The following SHBG variants were observed in gnomAD, a reference collection of about 807,000 sequenced individuals.
SHBG encodes sex hormone-binding globulin.
Under a neutral mutation model 41.9 loss-of-function variants are expected in SHBG, and 37 were observed. That is an observed-to-expected ratio of 0.88 (90% CI 0.68 to 1.16). SHBG has a LOEUF of 1.16. Ranked by LOEUF, SHBG falls within the 50% of genes most tolerant of loss-of-function variation. SHBG has a pLI of 0.00. For missense variants in SHBG, 466 were observed against 499.9 expected (o/e 0.93, Z 0.65); for synonymous variants, 217 against 205.8 (o/e 1.05, Z -0.47).
upstream of SHBG, among the ~76,000 whole-genome samples, chr17:7,623,389 TCAAA>T (rs996738615): frequency 2.6e-5 from 4 of 152,208 alleles, no homozygotes; most frequent in African/African-American, 4.8e-5. Context: ...AAACTCCATC[TCAAA>T]CAAACAAACA....
upstream of SHBG, chr17:7,627,356 C>A: frequency 6.2e-7 from 1 of 1,614,108 alleles, no homozygotes; most frequent in Non-Finnish European, 8.5e-7. This position sits in a 1 kb window ranked among gnomAD's most constrained non-coding sequence, Gnocchi z 4.8. Flanking sequence ...GGGCGCTGAG[C>A]CCCCACCTTC....
upstream of SHBG, chr17:7,626,690 G>A: frequency 6.2e-7 from 1 of 1,612,430 alleles, no homozygotes; most frequent in Non-Finnish European, 8.5e-7. Context: ...TTCAACCCGG[G>A]TCCCCCCTCC....
upstream of SHBG, chr17:7,628,139 G>T: frequency 2.2e-6 from 1 of 459,442 alleles, no homozygotes; most frequent in Non-Finnish European, 4.4e-6. Context: ...TCACTCACCC[G>T]CCCAGACCCT....
At chr17:7,626,356 C>G (rs1288221192), upstream of SHBG, 1 of 1,454,554 alleles carries the variant, frequency 6.9e-7, no homozygotes, top group Non-Finnish European at 9.4e-7. Flanking sequence ...AGGGAGGCCT[C>G]AGCATCAGTG....
At chr17:7,617,824 C>T (rs763880686) in intron 1 of SHBG, among the ~76,000 whole-genome samples, 3 of 152,128 alleles carry the variant, frequency 2.0e-5, no homozygotes, top group Non-Finnish European at 2.9e-5. Flanking sequence ...TGGCTCATGC[C>T]TGTAATCCTG....
chr17:7,629,285 G>A (rs917341691), upstream of SHBG, among the ~76,000 whole-genome samples: 1 of 151,904 alleles, frequency 6.6e-6, no homozygotes, highest in Non-Finnish European at 1.5e-5. Context: ...GGCTGAGACA[G>A]GAGGATCGCT....
In SHBG at chr17:7,630,705, AC is replaced by A. The variant is rs1185061711; in HGVS notation, c.231del (p.Trp78GlyfsTer6). On this transcript the variant is annotated frameshift_variant, in exon 3 of 8. Coordinates refer to ENST00000380450, the MANE Select transcript of SHBG (RefSeq NM_001040.5). LOFTEE classifies it high-confidence loss of function. The surrounding 1 kb of genome is among the most constrained non-coding windows in gnomAD (Gnocchi z 4.6). ...AACCTCCTCCTCCTTTGAGGTTCGA[AC>A]CTGGGACCCAGAGGGAGTGATTTTT... is the stretch of plus-strand genomic sequence containing the variant. ...TKTSSSFEVR[T>X]WDPEGVIFYG... 4 of 1,613,972 alleles carry A rather than the reference AC, an allele frequency of 2.5e-6. No homozygotes were observed. Among genetic ancestry groups the A allele is most frequent in the Non-Finnish European group, 3.4e-6 (4 of 1,179,978 alleles).
upstream of SHBG, chr17:7,627,027 A>T (rs915723405): frequency 6.2e-7 from 1 of 1,613,970 alleles, no homozygotes; most frequent in African/African-American, 1.3e-5. The surrounding 1 kb of genome is among the most constrained non-coding windows in gnomAD (Gnocchi z 4.8). Flanking sequence ...TATATCCCAT[A>T]GCCCACCACG....
Position 7,621,257 on chromosome 17 carries a change from G to A in SHBG, c.-62+7146G>A, listed in dbSNP as rs1156807858. Among the ~76,000 whole-genome samples the A allele has an allele frequency of 2.1e-5, 3 of 142,238 alleles. 1 individual carries two copies. The highest frequency in any genetic ancestry group is 4.7e-5 in the Non-Finnish European group (3 of 64,326). 93.3% of individuals were successfully genotyped at this position (142,238 alleles called of 152,430 possible). On this transcript the variant is annotated intron_variant, in intron 1 of 5. Coordinates refer to the SHBG transcript ENST00000570547. ...GAGGATTGCTTGAGGCCAGGATTTCGAGACCAGCCTGGCCAACACGGAGAA... is the reference window on the plus strand; with the variant it reads ...GAGGATTGCTTGAGGCCAGGATTTCAAGACCAGCCTGGCCAACACGGAGAA...
At chr17:7,614,723 T>TCCG (rs1240216771) in intron 1 of SHBG, 1 of 267,366 alleles carries the variant, frequency 3.7e-6, no homozygotes, top group Non-Finnish European at 6.9e-6. Context: ...CCGCTCCCCG[T>TCCG]CCGCCGCCGC....
At chr17:7,626,205 AAGAAAT>A, upstream of SHBG, 1 of 415,040 alleles carries the variant, frequency 2.4e-6, no homozygotes, top group Non-Finnish European at 4.3e-6. Flanking sequence ...AAAAAAAAAA[AAGAAAT>A]AAAAGAAAGA....
chr17:7,624,937 C>A (rs930033009), upstream of SHBG, among the ~76,000 whole-genome samples: 1 of 133,946 alleles, frequency 7.5e-6, no homozygotes, highest in East Asian at 2.4e-4. Flanking sequence ...GGATTACAGG[C>A]GTGAGCTTTT....
chr17:7,626,702 T>C (rs952490186), upstream of SHBG: 3 of 1,613,478 alleles, frequency 1.9e-6, no homozygotes, highest in Non-Finnish European at 2.5e-6. Context: ...CCCCCCTCCA[T>C]ATACCCTTGC....
In SHBG at chr17:7,631,954, A is replaced by C; in HGVS notation, c.791A>C (p.His264Pro). ...CTCAAGCAGGCAGCAGGCTCAGGCCACCTCCTTGCTCTTGGGACACCAGAG... is the reference window on the plus strand; with the variant it reads ...CTCAAGCAGGCAGCAGGCTCAGGCCCCCTCCTTGCTCTTGGGACACCAGAG... ...LGLKQAAGSG[H>P]LLALGTPENP... Residue 264 changes from histidine (H) to proline (P), a missense_variant, in exon 6 of 8, where the codon CAC becomes CCC. Coordinates refer to ENST00000380450, the MANE Select transcript of SHBG (RefSeq NM_001040.5). 1.2e-6 allele frequency: 2 copies of C among 1,613,576 alleles called. No individual in the cohort carries two copies. The highest frequency in any genetic ancestry group is 1.7e-6 in the Non-Finnish European group (2 of 1,179,902).
chr17:7,627,482 G>T, upstream of SHBG: 5 of 1,606,244 alleles, frequency 3.1e-6, no homozygotes, highest in Non-Finnish European at 4.3e-6. The surrounding 1 kb of genome is among the most constrained non-coding windows in gnomAD (Gnocchi z 4.8). Flanking sequence ...AGGTTCCCAA[G>T]GCGAGCCCCT....
Position 7,630,542 on chromosome 17 carries a change from T to C in SHBG, c.203+35T>C. On this transcript the variant is annotated intron_variant, in intron 2 of 7. Coordinates refer to ENST00000380450, the MANE Select transcript of SHBG (RefSeq NM_001040.5). The surrounding 1 kb of genome is among the most constrained non-coding windows in gnomAD (Gnocchi z 4.6). ...TGGCCTAGCCCTTGACCCAGTCCCC[T>C]GGTTCTGCCCTCTCTCCATCAGCTC... The C allele has an allele frequency of 6.3e-7, 1 of 1,587,844 alleles. No individual in the cohort carries two copies. Among genetic ancestry groups the C allele is most frequent in the Non-Finnish European group, 8.6e-7 (1 of 1,156,228 alleles).
At chr17:7,617,594 C>T (rs1479213801) in intron 1 of SHBG, among the ~76,000 whole-genome samples, 1 of 151,824 alleles carries the variant, frequency 6.6e-6, no homozygotes, top group Non-Finnish European at 1.5e-5. Context: ...CAGAGCGAGA[C>T]TCCATCTCAA....
At chr17:7,628,821 A>T (rs192890298), upstream of SHBG, among the ~76,000 whole-genome samples, 725 of 151,644 alleles carry the variant, frequency 4.8e-3, 5 homozygotes, top group African/African-American at 0.017. Context: ...TTTGGGAGGC[A>T]GAGGCAGGCG....
chr17:7,629,959 G>C (rs2072343988), upstream of SHBG: 1 of 624,518 alleles, frequency 1.6e-6, no homozygotes, highest in Non-Finnish European at 2.9e-6. Context: ...GATAGTGGAG[G>C]GGACTCTGTC....
Sources: gnomAD v4.1 joint callset for allele counts (sites outside exome capture counted in the v4.1 genomes callset) on GRCh38, gnomAD v4.1.1 for gene constraint, Gnocchi (gnomAD v3.1) non-coding constraint, MANE v1.5 for transcripts, NCBI Gene and HGNC (gene_info 2026-07-23, HGNC 2026-07-21) for gene names.